CLVS1: variants seen among roughly 807,000 people sequenced by gnomAD.
CLVS1 encodes the protein clavesin 1.
In CLVS1, 10 loss-of-function variants were observed where a neutral mutation model predicts 33.1. That is an observed-to-expected ratio of 0.30 (90% CI 0.19 to 0.51). The LOEUF is 0.51. Among genes scored for constraint, CLVS1 ranks in the 20% least tolerant of loss-of-function variants. CLVS1 has a pLI of 0.97. For missense variants in CLVS1, 343 were observed against 433.4 expected (o/e 0.79, Z 1.85); for synonymous variants, 163 against 166.1 (o/e 0.98, Z 0.14).
At chr8:61,336,923 C>G (rs998346321) in intron 2 of CLVS1, among the ~76,000 whole-genome samples, 1 of 152,116 alleles carries the variant, frequency 6.6e-6, no homozygotes, top group African/African-American at 2.4e-5. Flanking sequence ...TCCAAAACTA[C>G]AGAGGGAATA....
the CLVS1 span, among the ~76,000 whole-genome samples, chr8:61,014,304 TC>T: frequency 1.3e-5 from 2 of 152,182 alleles, no homozygotes; most frequent in African/African-American, 4.8e-5. Flanking sequence ...TGGAAACTCC[TC>T]CTTTCTACTC....
rs549718133 is a variant in CLVS1 at position 61,441,350 on chromosome 8, C to T, written c.631-12791C>T. Among the ~76,000 whole-genome samples, 22 of 152,284 alleles carry T rather than the reference C, an allele frequency of 1.4e-4. No homozygotes were observed. In the East Asian group the frequency reaches 1.7e-3, roughly 12 times the overall value. ...AGGAGACAGAAGATTTCAAAGTCAG[C>T]GCCTGTGTCATCTTCTCCCTTTTCT... On this transcript the variant is annotated intron_variant, in intron 3 of 5. Coordinates refer to ENST00000325897, the MANE Select transcript of CLVS1 (RefSeq NM_173519.3).
chr8:61,194,685 A>G (rs2129303474), intron 2 of CLVS1, among the ~76,000 whole-genome samples: 1 of 152,006 alleles, frequency 6.6e-6, no homozygotes, highest in South Asian at 2.1e-4. Context: ...GATTTCAATA[A>G]CACAACAATA....
chr8:61,258,676 C>T (rs192804301), intron 2 of CLVS1, among the ~76,000 whole-genome samples: 95 of 152,284 alleles, frequency 6.2e-4, no homozygotes, highest in Middle Eastern at 3.4e-3. Context: ...ACCTAAACCA[C>T]GGAGAACATC....
intron 1 of CLVS1, among the ~76,000 whole-genome samples, chr8:61,071,376 G>A (rs1585587529): frequency 6.6e-6 from 1 of 152,310 alleles, no homozygotes; most frequent in Admixed American, 6.5e-5. Context: ...GCTACTGGAA[G>A]CCACCAGCAT....
intron 2 of CLVS1, among the ~76,000 whole-genome samples, chr8:61,324,353 T>C (rs1487158385): frequency 1.6e-5 from 1 of 63,142 alleles, no homozygotes; most frequent in Non-Finnish European, 5.4e-5. Flanking sequence ...ATCCTTCTCA[T>C]TTTCTCTTGC....
chr8:61,121,894 T>C (rs1805878597), intron 1 of CLVS1, among the ~76,000 whole-genome samples: 1 of 152,196 alleles, frequency 6.6e-6, no homozygotes, highest in Admixed American at 6.5e-5. Flanking sequence ...AAACTATTCA[T>C]ATTGGAAGTG....
intron 5 of CLVS1, among the ~76,000 whole-genome samples, chr8:61,493,509 T>A (rs944857013): frequency 1.3e-5 from 2 of 152,170 alleles, no homozygotes; most frequent in Non-Finnish European, 2.9e-5. Flanking sequence ...TATCCTATCT[T>A]CATTTTTACA....
At chr8:61,485,169 G>A (rs1379667213) in intron 5 of CLVS1, among the ~76,000 whole-genome samples, 1 of 152,030 alleles carries the variant, frequency 6.6e-6, no homozygotes, top group African/African-American at 2.4e-5. Context: ...CCCACAAAAT[G>A]GGAGAAAATT....
At chr8:61,247,011 A>T (rs879228841) in intron 2 of CLVS1, among the ~76,000 whole-genome samples, 4 of 152,040 alleles carry the variant, frequency 2.6e-5, no homozygotes, top group African/African-American at 9.7e-5. Flanking sequence ...CTTTGTGTTC[A>T]TAAGTTCTCA....
At chr8:61,298,165 G>A (rs1810288736) in intron 1 of CLVS1, among the ~76,000 whole-genome samples, 1 of 152,044 alleles carries the variant, frequency 6.6e-6, no homozygotes, top group African/African-American at 2.4e-5. Flanking sequence ...GGGTAAGGCT[G>A]CTTTCTGAAA....
intron 1 of CLVS1, among the ~76,000 whole-genome samples, chr8:61,105,835 G>A (rs1164083264): frequency 6.6e-6 from 1 of 151,860 alleles, no homozygotes; most frequent in East Asian, 1.9e-4. Flanking sequence ...TAGGATAAAG[G>A]ACAAACTTGT....
At position 61,134,889 on chromosome 8, in the gene CLVS1, T is replaced by TG. The variant is rs563658466; in HGVS notation, c.-152+3036dup. Among the ~76,000 whole-genome samples, 26 of 151,946 alleles carry TG rather than the reference T, an allele frequency of 1.7e-4. No homozygotes were observed. The South Asian group carries it at 2.5e-3, about 15-fold the overall frequency. On this transcript the variant is annotated intron_variant, in intron 2 of 2. Coordinates refer to the CLVS1 transcript ENST00000522621. ...GAAATTAGGACATAGACATCTTTGC[T>TG]GGGGGGGTGGGTAGTTTTATCCTGC...
chr8:61,366,418 T>C (rs1813214737), intron 2 of CLVS1, among the ~76,000 whole-genome samples: 1 of 152,204 alleles, frequency 6.6e-6, no homozygotes, highest in African/African-American at 2.4e-5. Flanking sequence ...GGCATGGCCC[T>C]CTCCTAAACC....
At chr8:60,966,670 G>A in the CLVS1 span, 9 of 227,086 alleles carry the variant, frequency 4.0e-5, no homozygotes, top group East Asian at 3.3e-4. Flanking sequence ...GCTTATGCTG[G>A]AATACCATGC....
intron 2 of CLVS1, among the ~76,000 whole-genome samples, chr8:61,214,053 C>T (rs1284674718): frequency 2.0e-5 from 3 of 152,138 alleles, no homozygotes; most frequent in Non-Finnish European, 4.4e-5. Context: ...CCATAGCGCT[C>T]CCAGGCTTGT....
At chr8:61,091,515 A>G (rs1225530699) in intron 1 of CLVS1, among the ~76,000 whole-genome samples, 1 of 152,234 alleles carries the variant, frequency 6.6e-6, no homozygotes, top group African/African-American at 2.4e-5. Flanking sequence ...GTGAAAATGA[A>G]TGAGGGAGCA....
intron 3 of CLVS1, among the ~76,000 whole-genome samples, chr8:61,416,169 T>A (rs191818228): frequency 4.6e-5 from 7 of 152,316 alleles, no homozygotes; most frequent in Admixed American, 4.6e-4. Context: ...CCTGTTTTGC[T>A]TAATTTATGG....
chr8:60,991,996 C>T, the CLVS1 span, among the ~76,000 whole-genome samples: 7 of 152,262 alleles, frequency 4.6e-5, no homozygotes, highest in Admixed American at 2.6e-4. Flanking sequence ...GATCCACCCG[C>T]CTTGGCCTCC....
Sources: gnomAD v4.1 joint callset for allele counts (sites outside exome capture counted in the v4.1 genomes callset) on GRCh38, gnomAD v4.1.1 for gene constraint, MANE v1.5 for transcripts, NCBI Gene and HGNC (gene_info 2026-07-23, HGNC 2026-07-21) for gene names.